Variants in AOPEP observed in about 807,000 individuals in gnomAD.
The protein encoded by AOPEP is aminopeptidase O.
AOPEP carries 77 observed loss-of-function variants against 98.1 expected under a neutral mutation model. That is an observed-to-expected ratio of 0.78 (90% confidence interval 0.65 to 0.95). AOPEP has a LOEUF of 0.95. AOPEP is among the 40% of genes least tolerant of loss of function. AOPEP has a pLI of 0.00. For synonymous variants in AOPEP, 346 were observed against 365.3 expected (o/e 0.95, Z 0.60); for missense variants, 1,024 against 1,024.7 (o/e 1.00, Z 0.01).
intron 1 of AOPEP, among the ~76,000 whole-genome samples, chr9:94,743,184 A>AGAGGAAGAAGAG (rs775116322): frequency 1.5e-5 from 1 of 66,788 alleles, no homozygotes; most frequent in Admixed American, 1.6e-4. Flanking sequence ...AAGAAGAAGA[A>AGAGGAAGAAGAG]GAAGAAGAAG....
intron 13 of AOPEP, among the ~76,000 whole-genome samples, chr9:95,054,649 C>T (rs1456004403): frequency 6.6e-6 from 1 of 152,194 alleles, no homozygotes; most frequent in African/African-American, 2.4e-5. Context: ...AGAAACTCCA[C>T]AAGCAAACCA....
At chr9:94,797,203 G>T (rs958435234) in intron 4 of AOPEP, among the ~76,000 whole-genome samples, 4 of 152,212 alleles carry the variant, frequency 2.6e-5, no homozygotes, top group African/African-American at 4.8e-5. Flanking sequence ...GGAGGCCAAG[G>T]CGGGCGGATC....
chr9:94,737,483 G>T (rs1832043555), intron 1 of AOPEP, among the ~76,000 whole-genome samples: 3 of 152,154 alleles, frequency 2.0e-5, no homozygotes, highest in African/African-American at 7.2e-5. Context: ...CTGATGGTAA[G>T]AATGGTTTCT....
chr9:94,767,906 A>T (rs898039465), intron 2 of AOPEP, among the ~76,000 whole-genome samples: 6 of 152,182 alleles, frequency 3.9e-5, no homozygotes, highest in East Asian at 1.9e-4. Context: ...AATAATAAGG[A>T]AGAGGTGCAT....
intron 7 of AOPEP, 59 bp from the exon 8 acceptor site, chr9:94,955,118 A>G (rs2058365392): frequency 7.5e-6 from 7 of 929,002 alleles, no homozygotes; most frequent in Middle Eastern, 4.3e-4. Context: ...AGATGCTATT[A>G]TGACCTAATT....
intron 5 of AOPEP, among the ~76,000 whole-genome samples, chr9:94,916,570 G>T (rs1461308564): frequency 2.0e-5 from 3 of 151,810 alleles, no homozygotes; most frequent in African/African-American, 7.3e-5. Flanking sequence ...GGGCATGGTG[G>T]GGCACACCTG....
At chr9:94,727,552 TAAAG>T (rs944536474) in intron 1 of AOPEP, among the ~76,000 whole-genome samples, 7 of 152,186 alleles carry the variant, frequency 4.6e-5, no homozygotes, top group Admixed American at 1.3e-4. Flanking sequence ...ATATGGTTGA[TAAAG>T]AAATAATATG....
At chr9:94,790,526 G>A (rs1428415508) in intron 3 of AOPEP, among the ~76,000 whole-genome samples, 1 of 152,122 alleles carries the variant, frequency 6.6e-6, no homozygotes, top group Admixed American at 6.6e-5. Context: ...CAGAAGCAGG[G>A]TGCAGCTTCC....
chr9:94,828,366 A>G (rs893129186), intron 5 of AOPEP, among the ~76,000 whole-genome samples: 3 of 152,170 alleles, frequency 2.0e-5, no homozygotes, highest in Non-Finnish European at 1.5e-5. Flanking sequence ...TCTTATATTT[A>G]GGTCTTTGAT....
intron 5 of AOPEP, chr9:94,824,223 A>C (rs1249321270): frequency 3.3e-5 from 5 of 152,178 alleles, no homozygotes; most frequent in Admixed American, 2.0e-4. Context: ...TTAAGCCCCC[A>C]AAAAGAGGAT....
At position 95,060,749 on chromosome 9, in the gene AOPEP, T is replaced by C. The variant is rs2067252209; in HGVS notation, c.2171T>C (p.Leu724Pro). The part of the protein sequence containing the change: ...LLEHLLEQKT[L>P]SPRTLQSLQR... ...GAGCATCTCTTGGAGCAGAAGACTC[T>C]GAGCCCCCGAACTCTGCAAAGCCTC... Residue 724 changes from leucine to proline, a missense_variant, in exon 14 of 17, where the codon CTG (leucine) becomes CCG (proline). Coordinates refer to ENST00000375315, the MANE Select transcript of AOPEP (RefSeq NM_001193329.3). 1 of 1,614,196 alleles carries C rather than the reference T, an allele frequency of 6.2e-7. No homozygotes were observed. The highest frequency in any genetic ancestry group is 8.5e-7 in the Non-Finnish European group (1 of 1,180,014).
intron 13 of AOPEP, among the ~76,000 whole-genome samples, chr9:95,052,859 C>T (rs895163177): frequency 6.6e-6 from 1 of 152,204 alleles, no homozygotes; most frequent in Non-Finnish European, 1.5e-5. Flanking sequence ...TGACACTGTG[C>T]TTCCTATATA....
At chr9:94,819,886 A>G (rs1178985927) in intron 5 of AOPEP, among the ~76,000 whole-genome samples, 1 of 150,744 alleles carries the variant, frequency 6.6e-6, no homozygotes, top group Non-Finnish European at 1.5e-5. Context: ...AAGGGATTTT[A>G]ATTTTGCAAA....
At chr9:94,918,006 G>A (rs2053079671) in intron 5 of AOPEP, among the ~76,000 whole-genome samples, 1 of 151,794 alleles carries the variant, frequency 6.6e-6, no homozygotes, top group African/African-American at 2.4e-5. Flanking sequence ...CCCTAATTTT[G>A]TTATCTTCTT....
At chr9:94,885,969 A>G (rs1186300531) in intron 5 of AOPEP, among the ~76,000 whole-genome samples, 1 of 152,164 alleles carries the variant, frequency 6.6e-6, no homozygotes, top group Non-Finnish European at 1.5e-5. Flanking sequence ...TTCTCTGTTC[A>G]GTAACGAACA....
At chr9:95,148,685 T>G in the AOPEP span, among the ~76,000 whole-genome samples, 3 of 152,202 alleles carry the variant, frequency 2.0e-5, no homozygotes, top group African/African-American at 7.2e-5. Flanking sequence ...ATGAAGATTT[T>G]CCAAATGAAC....
At chr9:94,952,388 C>T (rs902417085) in intron 7 of AOPEP, among the ~76,000 whole-genome samples, 2 of 152,226 alleles carry the variant, frequency 1.3e-5, no homozygotes, top group African/African-American at 4.8e-5. Context: ...ATAGAACAGT[C>T]CCAGCATCTC....
chr9:94,908,210 C>T (rs936285564), intron 5 of AOPEP, among the ~76,000 whole-genome samples: 1 of 152,150 alleles, frequency 6.6e-6, no homozygotes, highest in Non-Finnish European at 1.5e-5. Flanking sequence ...AATTTTATTG[C>T]GCAGATTTTA....
chr9:94,986,198 G>A (rs541684151), intron 11 of AOPEP, among the ~76,000 whole-genome samples: 1 of 152,240 alleles, frequency 6.6e-6, no homozygotes, highest in South Asian at 2.1e-4. Flanking sequence ...TTCTCATCAT[G>A]TCCTCATGTA....
Sources: gnomAD v4.1 joint callset for allele counts (sites outside exome capture counted in the v4.1 genomes callset) on GRCh38, gnomAD v4.1.1 for gene constraint, MANE v1.5 for transcripts, NCBI Gene and HGNC (gene_info 2026-07-23, HGNC 2026-07-21) for gene names.